LAMA1: variants seen among roughly 807,000 people sequenced by gnomAD.
LAMA1 encodes the protein laminin subunit alpha 1, also known as laminin subunit alpha-1.
A neutral mutation model predicts 348.7 loss-of-function variants in LAMA1; 219 were observed. That is an observed-to-expected ratio of 0.63 (90% CI 0.56 to 0.70). The LOEUF (loss-of-function observed/expected upper bound fraction) is 0.70, where lower values mean the gene tolerates loss of function less well. LAMA1 is among the 30% of genes least tolerant of loss of function. The pLI, the probability that LAMA1 is intolerant of heterozygous loss-of-function variation, is 0.00. For missense variants in LAMA1, 3,744 were observed against 3,888.0 expected (o/e 0.96, Z 0.99); for synonymous variants, 1,487 against 1,491.0 (o/e 1.00, Z 0.06).
At chr18:7,000,889 G>A (rs1041357502) in intron 30 of LAMA1, among the ~76,000 whole-genome samples, 3 of 152,154 alleles carry the variant, frequency 2.0e-5, no homozygotes, top group Non-Finnish European at 4.4e-5. Context: ...AAAATAAAGC[G>A]TGTGTTTTAG....
chr18:7,083,249 G>A (rs1461759748), intron 1 of LAMA1, among the ~76,000 whole-genome samples: 1 of 147,990 alleles, frequency 6.8e-6, no homozygotes, highest in Non-Finnish European at 1.5e-5. Flanking sequence ...GCAGTGGCAC[G>A]ATCTTGGCTC....
At chr18:7,013,501 G>A (rs59097221) in intron 23 of LAMA1, among the ~76,000 whole-genome samples, 1 of 151,990 alleles carries the variant, frequency 6.6e-6, no homozygotes, top group African/African-American at 2.4e-5. Context: ...CACAAATCCC[G>A]AAGCCCTGAG....
At chr18:7,007,309 C>T in intron 28 of LAMA1, 33 bp from the exon 29 acceptor site, 1 of 1,605,066 alleles carries the variant, frequency 6.2e-7, no homozygotes, top group Non-Finnish European at 8.5e-7. Flanking sequence ...ACAAAAAAGT[C>T]TGATTAATGA....
Position 6,999,968 on chromosome 18 carries a change from T to A in LAMA1, c.4412A>T (p.Asp1471Val). The A allele has an allele frequency of 6.2e-7, 1 of 1,614,040 alleles. No individual in the cohort carries two copies. ...SFSPTCVLEGDHDFRCDACLL... is the reference protein window; with the variant it reads ...SFSPTCVLEGVHDFRCDACLL... ...ACAGGCGTCACAACGGAAATCGTGGTCCCCTTCCAAGACACAAGTGGGACT... is the reference window on the plus strand; with the variant it reads ...ACAGGCGTCACAACGGAAATCGTGGACCCCTTCCAAGACACAAGTGGGACT... Residue 1471 changes from aspartate (D) to valine (V), a missense_variant, in exon 31 of 63, where the codon GAC (aspartate) becomes GTC (valine). By Grantham distance (152) the Asp-to-Val change is radical. Around this residue, in one of 3 missense-constraint regions of LAMA1, gnomAD observed 1,983 missense variants for 1,934.3 expected, o/e 1.03. Transcript: ENST00000389658.
chr18:7,013,844 C>G lies in LAMA1; in HGVS notation c.3334G>C (p.Val1112Leu). ...CNLEQGLCGC[V>L]EETGACPCKE... ...CAAGGGCAGGCCCCGGTTTCCTCCA[C>G]ACAGCCGCAGAGACCCTGCTCCAGG... The change falls in exon 23 of 63, where the codon GTG (valine) becomes CTG (leucine). Residue 1112 changes from valine to leucine, a missense_variant. Val to Leu is a conservative substitution (Grantham distance 32). Coordinates refer to ENST00000389658, the MANE Select transcript of LAMA1 (RefSeq NM_005559.4). The G allele has an allele frequency of 1.2e-6, 2 of 1,611,664 alleles. No homozygotes were observed. Among genetic ancestry groups the G allele is most frequent in the Non-Finnish European group, 1.7e-6 (2 of 1,178,812 alleles).
intron 5 of LAMA1, among the ~76,000 whole-genome samples, chr18:7,048,334 G>A (rs2058050032): frequency 6.6e-6 from 1 of 152,156 alleles, no homozygotes; most frequent in Non-Finnish European, 1.5e-5. Context: ...ATGACTGATA[G>A]CACTAAATAT....
chr18:6,977,592 G>T, intron 44 of LAMA1, 135 bp downstream of exon 44: 1 of 933,740 alleles, frequency 1.1e-6, no homozygotes. Context: ...CTATGAGGAA[G>T]CCCAGATTAT....
chr18:7,113,970 A>G (rs886257188), intron 1 of LAMA1, among the ~76,000 whole-genome samples: 3 of 151,072 alleles, frequency 2.0e-5, no homozygotes, highest in Non-Finnish European at 2.9e-5. Flanking sequence ...CCAGCTACTC[A>G]GGAGGCTGAG....
rs760311065 is a variant in LAMA1 at position 7,026,021 on chromosome 18, T to G, written c.2360A>C (p.Asp787Ala). 4.3e-6 allele frequency: 7 copies of G among 1,609,202 alleles called. No individual in the cohort carries two copies. Among genetic ancestry groups the G allele is most frequent in the Non-Finnish European group, 5.9e-6 (7 of 1,177,804 alleles). The change falls in exon 17 of 63, where the codon GAC becomes GCC. Residue 787 changes from aspartate (D) to alanine (A), a missense_variant. This residue lies in a region of LAMA1 where 1,529 missense variants were observed against 1,689.4 expected (regional missense o/e 0.91). Transcript: ENST00000389658. The part of the protein sequence containing the change: ...YGEPSRGTPG[D>A]CQPCACPLTI... ...GAGAGGGCAGGCGCAGGGCTGGCAG[T>G]CCCCAGGTGTCCCTCGGGAAGGCTC...
intron 32 of LAMA1, among the ~76,000 whole-genome samples, chr18:6,998,372 C>A (rs1309251701): frequency 6.6e-6 from 1 of 152,116 alleles, no homozygotes; most frequent in Non-Finnish European, 1.5e-5. Flanking sequence ...AACGGATGCA[C>A]CTAAAGACAG....
At chr18:7,065,103 C>A (rs187717928) in intron 3 of LAMA1, among the ~76,000 whole-genome samples, 1 of 151,864 alleles carries the variant, frequency 6.6e-6, no homozygotes, top group Non-Finnish European at 1.5e-5. Context: ...CATAGTGGCA[C>A]GTGCCTGTAG....
chr18:6,985,262 G>C lies in LAMA1; in HGVS notation c.5635C>G (p.Gln1879Glu). ...YRAEDHAAEF[Q>E]RLADVLYSGL... Reference sequence around the variant, plus strand: ...CTGTACAGAACATCTGCTAGTCTCTGGAACTCAGCGGCATGGTCCTCAGCT... The same window carrying C: ...CTGTACAGAACATCTGCTAGTCTCTCGAACTCAGCGGCATGGTCCTCAGCT... The change falls in exon 39 of 63, where the codon CAG becomes GAG. Residue 1879 changes from glutamine to glutamate, a missense_variant. By Grantham distance (29) the Gln-to-Glu change is conservative (BLOSUM62 2). Coordinates refer to ENST00000389658, the MANE Select transcript of LAMA1 (RefSeq NM_005559.4). The C allele has an allele frequency of 6.2e-7, 1 of 1,614,132 alleles. No individual in the cohort carries two copies. Among genetic ancestry groups the C allele is most frequent in the Non-Finnish European group, 8.5e-7 (1 of 1,180,024 alleles).
chr18:7,115,256 T>C (rs1039764383), intron 1 of LAMA1, among the ~76,000 whole-genome samples: 14 of 152,204 alleles, frequency 9.2e-5, no homozygotes, highest in Non-Finnish European at 8.8e-5. Context: ...AATTTTCTTG[T>C]AGATTTTTTT....
chr18:7,107,802 C>G (rs1377891517), intron 1 of LAMA1, among the ~76,000 whole-genome samples: 10 of 151,682 alleles, frequency 6.6e-5, no homozygotes, highest in Admixed American at 5.3e-4. Flanking sequence ...ATCACGAGGT[C>G]AGGAGATTGA....
rs763843307 is a variant in LAMA1 at position 6,982,530 on chromosome 18, T to C, written c.5857A>G (p.Lys1953Glu). The C allele has an allele frequency of 2.5e-6, 4 of 1,614,028 alleles. No homozygotes were observed. In the African/African-American group the frequency reaches 4.0e-5, roughly 16 times the overall value. Residue 1953 changes from lysine to glutamate, a missense_variant, in exon 41 of 63, where the codon AAA (lysine) becomes GAA (glutamate). By Grantham distance (56) the Lys-to-Glu change is moderately conservative. Coordinates refer to ENST00000389658, the MANE Select transcript of LAMA1 (RefSeq NM_005559.4). ...TTCCTGCTGAGGTTGTTGCCTTCTT[T>C]TAGAAATCTGGAGCTGCGCTGCACG... ...AAVQRSSRFL[K>E]EGNNLSRKLP...
At chr18:7,028,323 A>G (rs1297427516) in intron 16 of LAMA1, among the ~76,000 whole-genome samples, 6 of 152,222 alleles carry the variant, frequency 3.9e-5, no homozygotes, top group Admixed American at 3.9e-4. Context: ...CAGCATAAAG[A>G]AATACACACC....
Position 6,956,636 on chromosome 18 carries a change from T to C in LAMA1, c.8094A>G (p.Pro2698=). 2 of 1,614,070 alleles carry C rather than the reference T, an allele frequency of 1.2e-6. No homozygotes were observed. Among genetic ancestry groups the C allele is most frequent in the Non-Finnish European group, 1.7e-6 (2 of 1,180,010 alleles). The change falls in exon 56 of 63, where the codon CCA becomes CCG. Residue 2698 remains proline, a splice_region_variant and synonymous_variant. Coordinates refer to ENST00000389658, the MANE Select transcript of LAMA1 (RefSeq NM_005559.4). ...SKLLPEPRAF[P]EQCVVDAALE... ...TGATAGTAAAGGAAGCCGCTCCTACTGGAAAAGCCCGGGGCTCTGGCAAGA... is the reference window on the plus strand; with the variant it reads ...TGATAGTAAAGGAAGCCGCTCCTACCGGAAAAGCCCGGGGCTCTGGCAAGA...
intron 29 of LAMA1, among the ~76,000 whole-genome samples, chr18:7,004,152 C>T (rs1393280036): frequency 6.6e-6 from 1 of 152,158 alleles, no homozygotes; most frequent in Non-Finnish European, 1.5e-5. Context: ...CAAGGACCCC[C>T]TAATGAGAAC....
chr18:7,024,029 A>G (rs956010471), intron 18 of LAMA1, among the ~76,000 whole-genome samples: 46 of 151,246 alleles, frequency 3.0e-4, no homozygotes, highest in African/African-American at 1.1e-3. Flanking sequence ...CTTTTTGTAG[A>G]GACAGGGTTT....
Sources: gnomAD v4.1 joint callset for allele counts (sites outside exome capture counted in the v4.1 genomes callset) on GRCh38, gnomAD v4.1.1 for gene constraint, gnomAD v4.1.1 regional missense constraint, MANE v1.5 for transcripts, NCBI Gene and HGNC (gene_info 2026-07-23, HGNC 2026-07-21) for gene names.